ZNF500: variants seen among roughly 807,000 people sequenced by gnomAD.
ZNF500 encodes the protein zinc finger protein 500.
In ZNF500, 31 loss-of-function variants were observed where a neutral mutation model predicts 30.1. The observed-to-expected ratio is 1.03, with a 90% CI of 0.77 to 1.39. The LOEUF (loss-of-function observed/expected upper bound fraction) is 1.39, where lower values mean the gene tolerates loss of function less well. Ranked by LOEUF, ZNF500 falls within the 40% of genes most tolerant of loss-of-function variation. The pLI, the probability that ZNF500 is intolerant of heterozygous loss-of-function variation, is 0.00. For missense variants in ZNF500, 817 were observed against 657.8 expected (o/e 1.24, Z -2.65); for synonymous variants, 392 against 282.0 (o/e 1.39, Z -3.91).
intron 5 of ZNF500, among the ~76,000 whole-genome samples, chr16:4,756,897 A>G (rs2082140713): frequency 6.6e-6 from 1 of 151,934 alleles, no homozygotes. Context: ...TGGTAGAATC[A>G]CCTGAGCCTG....
intron 5 of ZNF500, among the ~76,000 whole-genome samples, chr16:4,760,215 G>A (rs1465395057): frequency 2.9e-4 from 44 of 152,196 alleles, no homozygotes. Context: ...CTCTGCCCTT[G>A]AGAGGAGGGC....
At chr16:4,759,011 A>G (rs1360127295) in intron 5 of ZNF500, among the ~76,000 whole-genome samples, 1 of 152,108 alleles carries the variant, frequency 6.6e-6, no homozygotes, top group East Asian at 1.9e-4. Flanking sequence ...GGAATTCGAG[A>G]CCAGCTTGGC....
chr16:4,746,297 G>A, downstream of ZNF500: 2 of 1,464,306 alleles, frequency 1.4e-6, no homozygotes, highest in South Asian at 1.3e-5. Context: ...CACGAGCACT[G>A]TGACTGGACA....
Position 4,752,679 on chromosome 16 carries a change from G to A in ZNF500, c.1140C>T (p.Pro380=). Residue 380 remains proline (P), a synonymous_variant, in exon 6 of 6, where the codon CCC becomes CCT. Coordinates refer to ENST00000219478, the MANE Select transcript of ZNF500 (RefSeq NM_021646.4). ...THQRVHTGEK[P]YPCPECGKRF... is the part of the protein sequence containing the mutation. ...GCTTCCCACACTCGGGGCACGGGTA[G>A]GGCTTCTCGCCTGTGTGCACCCTCT... is the stretch of plus-strand genomic sequence containing the variant. 6.2e-7 allele frequency: 1 copy of A among 1,613,960 alleles called. No homozygotes were observed. The highest frequency in any genetic ancestry group is 8.5e-7 in the Non-Finnish European group (1 of 1,179,980).
rs182699514 is a variant in ZNF500 at position 4,752,847 on chromosome 16, C to T, written c.972G>A (p.Pro324=). The T allele has an allele frequency of 7.6e-5, 122 of 1,614,166 alleles. 1 individual carries two copies. In the Admixed American group the frequency reaches 1.6e-3, roughly 22 times the overall value. The change falls in exon 6 of 6, where the codon CCG becomes CCA. Residue 324 remains proline, a synonymous_variant. Transcript: ENST00000219478. ...GRRASHGADK[P]YTCPECGKGF... is the part of the protein sequence containing the mutation. ...CTTTGCCACATTCGGGGCAGGTGTACGGCTTGTCAGCCCCATGGGAAGCCC... is the reference window on the plus strand; with the variant it reads ...CTTTGCCACATTCGGGGCAGGTGTATGGCTTGTCAGCCCCATGGGAAGCCC...
chr16:4,765,906 C>G lies in ZNF500; in HGVS notation c.73G>C (p.Val25Leu). Residue 25 changes from valine (V) to leucine (L), a missense_variant, in exon 2 of 6, where the codon GTG (valine) becomes CTG (leucine). Physicochemically the swap from Val to Leu is conservative, Grantham distance 32. Transcript: ENST00000219478. Reference sequence around the variant, plus strand: ...AAGCAGAAGTCCTCCTCCACCTTCACAATCAGGATCTCTTCCTGTTCCAGG... The same window carrying G: ...AAGCAGAAGTCCTCCTCCACCTTCAGAATCAGGATCTCTTCCTGTTCCAGG... ...QDLEQEEILI[V>L]KVEEDFCLEE... 1 of 1,612,366 alleles carries G rather than the reference C, an allele frequency of 6.2e-7. No individual in the cohort carries two copies. The highest frequency in any genetic ancestry group is 8.5e-7 in the Non-Finnish European group (1 of 1,179,454).
At chr16:4,764,857 GCTA>G (rs1333543720) in intron 2 of ZNF500, among the ~76,000 whole-genome samples, 1 of 151,816 alleles carries the variant, frequency 6.6e-6, no homozygotes, top group Non-Finnish European at 1.5e-5. Flanking sequence ...GTGGCTGGCA[GCTA>G]CTGTTTTGCA....
chr16:4,759,852 C>T (rs1485897911), intron 5 of ZNF500, among the ~76,000 whole-genome samples: 1 of 152,208 alleles, frequency 6.6e-6, no homozygotes. Context: ...GCCTGGCCAA[C>T]ATGGTGATGA....
intron 2 of ZNF500, among the ~76,000 whole-genome samples, chr16:4,764,764 A>G (rs185075647): frequency 1.3e-5 from 2 of 150,812 alleles, no homozygotes; most frequent in Non-Finnish European, 3.0e-5. Flanking sequence ...CCTGGGCGAC[A>G]GGGCGAGACT....
chr16:4,746,322 C>T (rs2082017091), downstream of ZNF500: 2 of 1,557,268 alleles, frequency 1.3e-6, no homozygotes, highest in Non-Finnish European at 1.7e-6. Context: ...CAGCGCAGGT[C>T]ACAGAGTTAT....
downstream of ZNF500, chr16:4,744,978 C>T: frequency 6.2e-7 from 1 of 1,613,910 alleles, no homozygotes; most frequent in Non-Finnish European, 8.5e-7. Flanking sequence ...GCCGACACTC[C>T]CCAGGACACC....
At chr16:4,763,148 A>C (rs2082226168) in intron 2 of ZNF500, 1 of 985,008 alleles carries the variant, frequency 1.0e-6, no homozygotes, top group South Asian at 4.7e-5. Context: ...CTGTAATTCC[A>C]GCACTTTGGG....
chr16:4,755,976 C>T (rs1410433460), intron 5 of ZNF500, among the ~76,000 whole-genome samples: 2 of 152,200 alleles, frequency 1.3e-5, no homozygotes, highest in East Asian at 3.9e-4. Flanking sequence ...GCACGATTCC[C>T]TTTACAGAAG....
In ZNF500 at chr16:4,762,813, C is replaced by G. The variant is rs878887886; in HGVS notation, c.415-57G>C. The G allele has an allele frequency of 6.3e-5, 97 of 1,530,818 alleles. No homozygotes were observed. The South Asian group carries it at 1.2e-3, about 18-fold the overall frequency. 94.8% of individuals were successfully genotyped at this position (1,530,818 alleles called of 1,614,324 possible). On this transcript the variant is annotated intron_variant, in intron 2 of 5. Coordinates refer to ENST00000219478, the MANE Select transcript of ZNF500 (RefSeq NM_021646.4). The stretch of plus-strand genomic sequence containing the variant: ...CCCAGAAGGCCAGAAGGAAAAATCC[C>G]CGCAGGGCCCCACACCCCTCATCTC...
chr16:4,753,171 T>G (rs765028624), intron 5 of ZNF500, 113 bp from the exon 6 acceptor site: 83 of 1,435,892 alleles, frequency 5.8e-5, no homozygotes, highest in Non-Finnish European at 7.5e-5. Context: ...TACAAAACAT[T>G]TAGCAGGGGC....
rs546706847 is a variant in ZNF500 at position 4,753,692 on chromosome 16, C to G, written c.761-634G>C. On this transcript the variant is annotated intron_variant, in intron 5 of 5. Coordinates refer to ENST00000219478, the MANE Select transcript of ZNF500 (RefSeq NM_021646.4). ...AGGGGTTCCCACCCAGTGGCAAGGT[C>G]TGGAGACATTTTTGTTGTGTCTGGG... Among the ~76,000 whole-genome samples the G allele has an allele frequency of 2.0e-5, 3 of 152,354 alleles. No individual in the cohort carries two copies. In the East Asian group the frequency reaches 5.8e-4, roughly 29 times the overall value.
Position 4,751,802 on chromosome 16 carries a change from G to A in ZNF500, c.*574C>T. The A allele has an allele frequency of 1.4e-6, 1 of 690,062 alleles. No individual in the cohort carries two copies. The highest frequency in any genetic ancestry group is 1.8e-5 in the South Asian group (1 of 56,454). 42.7% of individuals were successfully genotyped at this position (690,062 alleles called of 1,614,324 possible). A position where few individuals can be genotyped will look rare whatever the true frequency, so the allele number is the denominator to read the frequency against. On this transcript the variant is annotated 3_prime_UTR_variant, in exon 6 of 6. Transcript: ENST00000219478. ...ACACACCTGTAACCCCAGCTACTCAGGAGGATGAGGCAGGAGGAACACTTG... is the reference window on the plus strand; with the variant it reads ...ACACACCTGTAACCCCAGCTACTCAAGAGGATGAGGCAGGAGGAACACTTG...
downstream of ZNF500, chr16:4,746,396 C>T: frequency 6.2e-7 from 1 of 1,612,704 alleles, no homozygotes; most frequent in Admixed American, 1.7e-5. Context: ...GGAAGCAGGG[C>T]TCCCAGGCTG....
rs761830608 is a variant in ZNF500, at chr16:4,762,552, C to T, written c.598+21G>A. On this transcript the variant is annotated intron_variant, in intron 3 of 5. Coordinates refer to ENST00000219478, the MANE Select transcript of ZNF500 (RefSeq NM_021646.4). ...CCCTCCCCTGCACCACTTCTCATTC[C>T]TCCAAAGGGGTGCTACTCACCTCTC... 4.4e-6 allele frequency: 7 copies of T among 1,599,900 alleles called. No individual in the cohort carries two copies. In the South Asian group the frequency reaches 4.5e-5, roughly 10 times the overall value.
Sources: gnomAD v4.1 joint callset for allele counts (sites outside exome capture counted in the v4.1 genomes callset) on GRCh38, gnomAD v4.1.1 for gene constraint, MANE v1.5 for transcripts, NCBI Gene and HGNC (gene_info 2026-07-23, HGNC 2026-07-21) for gene names.